The following PDE3B variants were observed in gnomAD, a reference collection of about 807,000 sequenced individuals.
PDE3B encodes the protein phosphodiesterase 3B, also known as cGMP-inhibited 3',5'-cyclic phosphodiesterase 3B.
PDE3B carries 66 observed loss-of-function variants against 116.8 expected under a neutral mutation model. That is an observed-to-expected ratio of 0.56 (90% CI 0.46 to 0.69). The LOEUF (loss-of-function observed/expected upper bound fraction) is 0.69, where lower values mean the gene tolerates loss of function less well. Among genes scored for constraint, PDE3B ranks in the 30% least tolerant of loss-of-function variants. PDE3B has a pLI of 0.00. For missense variants in PDE3B, 1,384 were observed against 1,368.1 expected (o/e 1.01, Z -0.18); for synonymous variants, 595 against 533.6 (o/e 1.12, Z -1.59).
At chr11:14,847,799 C>A (rs1464285985) in intron 12 of PDE3B, among the ~76,000 whole-genome samples, 3 of 151,682 alleles carry the variant, frequency 2.0e-5, no homozygotes, top group Non-Finnish European at 4.4e-5. Context: ...AAGAAGTTGA[C>A]TCTCTGAACA....
At chr11:14,801,692 C>G (rs961792757) in intron 4 of PDE3B, among the ~76,000 whole-genome samples, 1 of 152,218 alleles carries the variant, frequency 6.6e-6, no homozygotes, top group East Asian at 1.9e-4. Flanking sequence ...CTCTTCAGAG[C>G]CATTGGGCAG....
chr11:14,830,200 T>C (rs905948373), intron 7 of PDE3B, among the ~76,000 whole-genome samples: 2 of 152,156 alleles, frequency 1.3e-5, no homozygotes, highest in Non-Finnish European at 2.9e-5. Context: ...ATGAATGCTA[T>C]TTAGCTATGA....
At chr11:14,673,891 T>C in intron 1 of PDE3B, 1 of 1,438,862 alleles carries the variant, frequency 6.9e-7, no homozygotes, top group South Asian at 1.1e-5. Context: ...AAGTATTCTT[T>C]TATCCCTGCC....
intron 2 of PDE3B, among the ~76,000 whole-genome samples, chr11:14,782,956 A>G (rs947297052): frequency 6.6e-6 from 1 of 152,238 alleles, no homozygotes. Context: ...AGCAAAGGAT[A>G]TGAACAGACA....
intron 4 of PDE3B, among the ~76,000 whole-genome samples, chr11:14,794,721 C>T (rs909822846): frequency 6.6e-6 from 1 of 152,204 alleles, no homozygotes; most frequent in Non-Finnish European, 1.5e-5. Flanking sequence ...AATAGCAAGC[C>T]TCAGGTTATT....
chr11:14,798,643 T>C (rs918930586), intron 4 of PDE3B, among the ~76,000 whole-genome samples: 3 of 152,254 alleles, frequency 2.0e-5, no homozygotes, highest in Non-Finnish European at 2.9e-5. Context: ...ATTCGACTTC[T>C]TCCTGGTTTA....
intron 1 of PDE3B, among the ~76,000 whole-genome samples, chr11:14,768,210 A>T (rs993816958): frequency 7.9e-5 from 12 of 151,660 alleles, no homozygotes; most frequent in African/African-American, 9.6e-5. Flanking sequence ...CTTAACTTTT[A>T]CTAAAGCTGA....
the PDE3B span, among the ~76,000 whole-genome samples, chr11:14,894,187 T>C: frequency 1.3e-5 from 2 of 152,204 alleles, no homozygotes; most frequent in African/African-American, 4.8e-5. Flanking sequence ...CAAATGCCTA[T>C]TAAGAGATAC....
chr11:14,785,994 T>G lies in PDE3B; in HGVS notation c.1030-443T>G, dbSNP rs111600538. 4.5e-3 allele frequency among the ~76,000 whole-genome samples: 687 copies of G among 152,200 alleles called. 9 individuals are homozygous for G. The highest frequency in any genetic ancestry group is 0.016 in the African/African-American group (671 of 41,560). On this transcript the variant is annotated intron_variant, in intron 2 of 15. Coordinates refer to ENST00000282096, the MANE Select transcript of PDE3B (RefSeq NM_000922.4). ...TATCCTGATTTTACATTGAAGAAAC[T>G]AAAATATTCAGAGGTTAAGTAAATT...
chr11:14,675,119 A>C lies in PDE3B; in HGVS notation c.978+30066A>C, dbSNP rs189891185. On this transcript the variant is annotated intron_variant, in intron 1 of 15. Coordinates refer to ENST00000282096, the MANE Select transcript of PDE3B (RefSeq NM_000922.4). ...ACATATTAGGTTGATATAATTCTTCATCAGGTAGAACTGAAGTTCTCAGAG... is the reference window on the plus strand; with the variant it reads ...ACATATTAGGTTGATATAATTCTTCCTCAGGTAGAACTGAAGTTCTCAGAG... Among the ~76,000 whole-genome samples the C allele has an allele frequency of 6.7e-3, 1,013 of 152,294 alleles. 10 individuals are homozygous for C. The highest frequency in any genetic ancestry group is 0.023 in the African/African-American group (958 of 41,568).
intron 4 of PDE3B, among the ~76,000 whole-genome samples, chr11:14,793,663 A>G (rs1841325831): frequency 1.3e-5 from 2 of 152,104 alleles, no homozygotes; most frequent in South Asian, 2.1e-4. Context: ...TTCCCTGGGG[A>G]AAAAAATAGG....
chr11:14,762,862 A>G (rs1483412188), intron 1 of PDE3B, among the ~76,000 whole-genome samples: 1 of 152,234 alleles, frequency 6.6e-6, no homozygotes, highest in Non-Finnish European at 1.5e-5. Flanking sequence ...CAAGGTAATG[A>G]TGGGATTCCC....
chr11:14,740,126 A>G (rs184021282), intron 1 of PDE3B, among the ~76,000 whole-genome samples: 2 of 152,348 alleles, frequency 1.3e-5, no homozygotes, highest in Non-Finnish European at 2.9e-5. Context: ...AAAATGAGTT[A>G]GGGAGGATTT....
At chr11:14,726,811 A>G (rs925939325) in intron 1 of PDE3B, among the ~76,000 whole-genome samples, 1 of 152,180 alleles carries the variant, frequency 6.6e-6, no homozygotes, top group Non-Finnish European at 1.5e-5. Flanking sequence ...TTGGGGTAGA[A>G]ATCAGACTGG....
At position 14,843,726 on chromosome 11, in the gene PDE3B, A is replaced by G. The variant is rs1031225445; in HGVS notation, c.2321-101A>G. The G allele has an allele frequency of 1.3e-5, 11 of 825,518 alleles. No homozygotes were observed. The South Asian group carries it at 1.7e-4, about 13-fold the overall frequency. The allele number at this position is 825,518 out of a possible 1,614,324, so 51.1% of individuals were successfully genotyped here. On this transcript the variant is annotated intron_variant, in intron 11 of 15. Transcript: ENST00000282096. Reference sequence around the variant, plus strand: ...TTAGTTCTTACTTAAATCAGCAAATAAAATAAGTAAGCATATTACCTATGA... The same window carrying G: ...TTAGTTCTTACTTAAATCAGCAAATGAAATAAGTAAGCATATTACCTATGA...
intron 1 of PDE3B, among the ~76,000 whole-genome samples, chr11:14,681,033 G>C (rs1341638475): frequency 6.6e-6 from 1 of 151,980 alleles, no homozygotes; most frequent in Non-Finnish European, 1.5e-5. Context: ...ACATATTTTT[G>C]GCTTACAGTA....
intron 12 of PDE3B, among the ~76,000 whole-genome samples, chr11:14,848,440 G>A (rs547375578): frequency 6.6e-6 from 1 of 151,188 alleles, no homozygotes; most frequent in Non-Finnish European, 1.5e-5. Context: ...AGACAGGGAT[G>A]CCCTCTCTCA....
At chr11:14,785,110 T>G (rs1858150099) in intron 2 of PDE3B, among the ~76,000 whole-genome samples, 1 of 152,142 alleles carries the variant, frequency 6.6e-6, no homozygotes, top group Non-Finnish European at 1.5e-5. Flanking sequence ...ATAGGTGCTG[T>G]TATATACAAT....
At position 14,747,559 on chromosome 11, in the gene PDE3B, A is replaced by G. The variant is rs575687051; in HGVS notation, c.979-24378A>G. On this transcript the variant is annotated intron_variant, in intron 1 of 15. Transcript: ENST00000282096. ...TTCATTGTGGTTGACTCCAGGGGATAGGGACAAAGGGAAGTGTATAGTTTT... is the reference window on the plus strand; with the variant it reads ...TTCATTGTGGTTGACTCCAGGGGATGGGGACAAAGGGAAGTGTATAGTTTT... Among the ~76,000 whole-genome samples the G allele has an allele frequency of 2.4e-4, 36 of 152,290 alleles. 1 individual carries two copies. The South Asian group carries it at 4.6e-3, about 19-fold the overall frequency.
Sources: allele counts gnomAD v4.1 joint callset (sites outside exome capture counted in the v4.1 genomes callset), GRCh38; gene constraint gnomAD v4.1.1; transcripts MANE v1.5; gene names NCBI Gene and HGNC (gene_info 2026-07-23, HGNC 2026-07-21).